Variants in MED13L observed in about 807,000 individuals in gnomAD.
MED13L encodes the protein mediator of RNA polymerase II transcription subunit 13-like.
In MED13L, 7 loss-of-function variants were observed where a neutral mutation model predicts 220.9. The observed-to-expected ratio is 0.03, with a 90% CI of 0.02 to 0.06. The LOEUF (loss-of-function observed/expected upper bound fraction) is 0.06. Among genes scored for constraint, MED13L ranks in the 10% least tolerant of loss-of-function variants. The pLI, the probability that MED13L is intolerant of heterozygous loss-of-function variation, is 1.00. For synonymous variants in MED13L, 1,011 were observed against 1,015.2 expected, an observed-to-expected ratio of 1.00 and a Z score of 0.08; for missense variants, 1,965 against 2,760.5, an observed-to-expected ratio of 0.71 and a Z score of 6.46.
chr12:116,004,642 T>C (rs1878938164), intron 13 of MED13L, among the ~76,000 whole-genome samples: 2 of 152,068 alleles, frequency 1.3e-5, no homozygotes, highest in East Asian at 3.9e-4. Context: ...AAAGCTAATC[T>C]AGTTCGTTTT....
chr12:116,195,915 CTGAG>C lies in MED13L; in HGVS notation c.310+41549_310+41552del, dbSNP rs553431370. On this transcript the variant is annotated intron_variant, in intron 2 of 30. Coordinates refer to ENST00000281928, the MANE Select transcript of MED13L (RefSeq NM_015335.5). ...TAAAATAAGCAATGGAAATGAAAAACTGAGTAAGAGATAAAATGTAAACAGTAAA... is the reference window on the plus strand; with the variant it reads ...TAAAATAAGCAATGGAAATGAAAAACTAAGAGATAAAATGTAAACAGTAAA... 2.7e-4 allele frequency among the ~76,000 whole-genome samples: 41 copies of C among 151,884 alleles called. 2 individuals carry two copies. The South Asian group carries it at 7.7e-3, about 29-fold the overall frequency.
At chr12:116,156,796 A>G (rs531661630) in intron 2 of MED13L, among the ~76,000 whole-genome samples, 61 of 152,270 alleles carry the variant, frequency 4.0e-4, no homozygotes, top group African/African-American at 1.4e-3. Context: ...CATTATGCCT[A>G]AGTCATAAAA....
chr12:116,141,953 C>G (rs1365452026), intron 2 of MED13L, among the ~76,000 whole-genome samples: 3 of 152,128 alleles, frequency 2.0e-5, no homozygotes, highest in Non-Finnish European at 4.4e-5. Context: ...GCCCACACCA[C>G]TTGAGCCATA....
chr12:116,081,728 A>G (rs943066750), intron 4 of MED13L, among the ~76,000 whole-genome samples: 1 of 152,124 alleles, frequency 6.6e-6, no homozygotes. Flanking sequence ...TTAGCCAGAC[A>G]TGGTGGCACA....
intron 4 of MED13L, among the ~76,000 whole-genome samples, chr12:116,085,629 G>A (rs1016628720): frequency 1.3e-5 from 2 of 151,986 alleles, no homozygotes; most frequent in Non-Finnish European, 2.9e-5. Context: ...GTAAAATTAT[G>A]ATGTACACTG....
intron 4 of MED13L, among the ~76,000 whole-genome samples, chr12:116,075,953 G>A (rs937912147): frequency 5.8e-5 from 8 of 138,324 alleles, no homozygotes; most frequent in Admixed American, 7.9e-5. Context: ...TCGCTCTGTC[G>A]CCCAGGCTGG....
intron 4 of MED13L, among the ~76,000 whole-genome samples, chr12:116,031,764 G>GAAAAGAA (rs1566020969): frequency 1.7e-4 from 20 of 114,906 alleles, no homozygotes; most frequent in African/African-American, 5.3e-4. Flanking sequence ...AGAAAAGAAG[G>GAAAAGAA]AAGGAAGGAA....
intron 11 of MED13L, 155 bp downstream of exon 11, chr12:116,007,256 T>C (rs572598138): frequency 2.7e-6 from 2 of 727,880 alleles, no homozygotes; most frequent in Admixed American, 2.1e-5. Context: ...AACAATACGC[T>C]GTTCAATACA....
At chr12:116,168,626 G>C (rs1487134885) in intron 2 of MED13L, among the ~76,000 whole-genome samples, 5 of 152,150 alleles carry the variant, frequency 3.3e-5, no homozygotes, top group Admixed American at 3.3e-4. Flanking sequence ...CCACCCCACT[G>C]TCCATTAACA....
chr12:116,187,226 G>T (rs575455358), intron 2 of MED13L, among the ~76,000 whole-genome samples: 6 of 152,256 alleles, frequency 3.9e-5, no homozygotes, highest in African/African-American at 1.4e-4. Context: ...TAAGACCAAG[G>T]ACTATGGAGC....
At chr12:116,108,154 C>T (rs1403638254) in intron 3 of MED13L, among the ~76,000 whole-genome samples, 1 of 151,104 alleles carries the variant, frequency 6.6e-6, no homozygotes, top group East Asian at 1.9e-4. Flanking sequence ...GCCAGAAACT[C>T]ACAATATCCA....
At chr12:116,273,857 C>G (rs993307163) in intron 1 of MED13L, among the ~76,000 whole-genome samples, 1 of 152,190 alleles carries the variant, frequency 6.6e-6, no homozygotes, top group African/African-American at 2.4e-5. Context: ...AAATAAATGT[C>G]TACTTAACAT....
chr12:115,994,978 G>C (rs529676021), intron 16 of MED13L, among the ~76,000 whole-genome samples: 1 of 152,276 alleles, frequency 6.6e-6, no homozygotes, highest in East Asian at 1.9e-4. Context: ...CACGTAAAAT[G>C]GTCATTTAAG....
intron 29 of MED13L, among the ~76,000 whole-genome samples, chr12:115,964,873 GA>G (rs1876030666): frequency 6.6e-6 from 1 of 152,156 alleles, no homozygotes; most frequent in Admixed American, 6.5e-5. Flanking sequence ...CGGTGTGCAG[GA>G]ACCACATTCG....
intron 2 of MED13L, among the ~76,000 whole-genome samples, chr12:116,120,019 CAATTT>C (rs1874903300): frequency 6.6e-6 from 1 of 151,548 alleles, no homozygotes; most frequent in Admixed American, 6.6e-5. Context: ...CAAGGGGAAG[CAATTT>C]ATTTTCATAG....
At chr12:116,043,020 A>T (rs561725658) in intron 4 of MED13L, among the ~76,000 whole-genome samples, 2 of 152,258 alleles carry the variant, frequency 1.3e-5, no homozygotes, top group South Asian at 4.1e-4. Flanking sequence ...TAATTTTTTT[A>T]TTCAGTAACA....
chr12:115,992,085 G>A, intron 16 of MED13L, 128 bp from the exon 17 acceptor site: 1 of 841,076 alleles, frequency 1.2e-6, no homozygotes, highest in Non-Finnish European at 1.9e-6. Flanking sequence ...GGGATACACT[G>A]GTATATTTAA....
intron 2 of MED13L, among the ~76,000 whole-genome samples, chr12:116,120,075 T>C (rs959805596): frequency 1.3e-5 from 2 of 151,958 alleles, no homozygotes; most frequent in Admixed American, 1.3e-4. Flanking sequence ...TAAACATGCA[T>C]AGAGTTGACT....
chr12:116,144,165 C>A (rs1277386164), intron 2 of MED13L, among the ~76,000 whole-genome samples: 1 of 152,114 alleles, frequency 6.6e-6, no homozygotes, highest in African/African-American at 2.4e-5. Flanking sequence ...CCCTGAAATA[C>A]TCACACCATT....
Sources: allele counts gnomAD v4.1 joint callset (sites outside exome capture counted in the v4.1 genomes callset), GRCh38; gene constraint gnomAD v4.1.1; transcripts MANE v1.5; gene names NCBI Gene and HGNC (gene_info 2026-07-23, HGNC 2026-07-21).